Variants in POLE observed in about 807,000 individuals in gnomAD.
The protein encoded by POLE is DNA polymerase epsilon catalytic subunit A.
POLE carries 188 observed loss-of-function variants against 279.2 expected under a neutral mutation model. That is an observed-to-expected ratio of 0.67 (90% CI 0.60 to 0.76). The LOEUF (loss-of-function observed/expected upper bound fraction) is 0.76. Ranked by LOEUF, POLE falls within the 30% of genes least tolerant of loss-of-function variation. The pLI, the probability that POLE is intolerant of heterozygous loss-of-function variation, is 0.00. For missense variants in POLE, 2,703 were observed against 3,016.7 expected, an observed-to-expected ratio of 0.90 and a Z score of 2.44; for synonymous variants, 1,214 against 1,172.5, an observed-to-expected ratio of 1.04 and a Z score of -0.72.
Position 132,643,239 on chromosome 12 carries a change from G to A in POLE, c.4536C>T (p.Val1512=). ...CAGGACTCACAGTGTCCAGCACAAA[G>A]ACGGATGCCCTGCGCTGTGAGGGGA... ...IFIPSQRRAS[V]FVLDTVRSNQ... is the part of the protein sequence containing the mutation. The change falls in exon 35 of 49, where the codon GTC becomes GTT. Residue 1512 remains valine, a synonymous_variant. Transcript: ENST00000320574. The A allele has an allele frequency of 6.2e-7, 1 of 1,613,712 alleles. No individual in the cohort carries two copies. Among genetic ancestry groups the A allele is most frequent in the Non-Finnish European group, 8.5e-7 (1 of 1,180,000 alleles).
intron 21 of POLE, among the ~76,000 whole-genome samples, 192 bp downstream of exon 21, chr12:132,665,104 CACCCAG>C (rs1043521373): frequency 3.9e-5 from 6 of 152,120 alleles, no homozygotes; most frequent in African/African-American, 7.2e-5. Flanking sequence ...CACTCATGGA[CACCCAG>C]ACCCTCAAAG....
rs5744928 is a variant in POLE, at chr12:132,644,703, G to A, written c.4150-726C>T. Reference sequence around the variant, plus strand: ...CCTGGGGGGCTCTGGGAGAGCTGGAGAGGGGCACCCTAGCTTCGTGAATGG... The same window carrying A: ...CCTGGGGGGCTCTGGGAGAGCTGGAAAGGGGCACCCTAGCTTCGTGAATGG... On this transcript the variant is annotated intron_variant, in intron 32 of 48. Transcript: ENST00000320574. 2.0e-5 allele frequency among the ~76,000 whole-genome samples: 3 copies of A among 151,630 alleles called. No individual in the cohort carries two copies. The East Asian group carries it at 5.8e-4, about 29-fold the overall frequency.
At chr12:132,669,025 A>AG in intron 16 of POLE, 86 bp from the exon 17 acceptor site, 1 of 1,353,378 alleles carries the variant, frequency 7.4e-7, no homozygotes, top group Non-Finnish European at 1.0e-6. Context: ...CATTCAGGAG[A>AG]GGAAAAAGCT....
chr12:132,641,665 AG>A lies in POLE; in HGVS notation c.5359del (p.Leu1787CysfsTer9), dbSNP rs2042144519. On this transcript the variant is annotated frameshift_variant, in exon 39 of 49. Transcript: ENST00000320574. LOFTEE classifies it high-confidence loss of function. ...SAPASYDETA[L>X]CSNTFRILKS... ...GTGGCACCTGAAGGTGTTAGAGCAC[AG>A]GGCTGTCTCATCGTAGCTGGCCGGG... The A allele has an allele frequency of 1.9e-6, 3 of 1,614,056 alleles. No individual in the cohort carries two copies. The South Asian group carries it at 3.3e-5, about 18-fold the overall frequency.
In POLE at chr12:132,626,065, G is replaced by A; in HGVS notation, c.6531+52C>T. 17 of 1,515,666 alleles carry A rather than the reference G, an allele frequency of 1.1e-5. No homozygotes were observed. In the South Asian group the frequency reaches 2.0e-4, roughly 18 times the overall value. 93.9% of individuals were successfully genotyped at this position (1,515,666 alleles called of 1,614,324 possible). ...GCAGAAGCCCTCAAGACACCGCAGT[G>A]CCCTCGGATGTTCTGCTCCACAGTG... On this transcript the variant is annotated intron_variant, in intron 46 of 48. Coordinates refer to ENST00000320574, the MANE Select transcript of POLE (RefSeq NM_006231.4).
Position 132,673,199 on chromosome 12 carries a change from C to T in POLE, c.1438G>A (p.Ala480Thr), listed in dbSNP as rs1418646286. 4 of 1,613,390 alleles carry T rather than the reference C, an allele frequency of 2.5e-6. No homozygotes were observed. In the African/African-American group the frequency reaches 4.0e-5, roughly 16 times the overall value. ...TCCATGGGAATAATGGTGCACAGAGCAAAGATGAATGGGTGGACGTACTTC... is the reference window on the plus strand; with the variant it reads ...TCCATGGGAATAATGGTGCACAGAGTAAAGATGAATGGGTGGACGTACTTC... ...YMKYVHPFIFALCTIIPMEPD... is the reference protein window; with the variant it reads ...YMKYVHPFIFTLCTIIPMEPD... Residue 480 changes from alanine (A) to threonine (T), a missense_variant, in exon 14 of 49, where the codon GCT (alanine) becomes ACT (threonine). This residue lies in a region of POLE where 1,011 missense variants were observed against 1,111.7 expected (regional missense o/e 0.91). Coordinates refer to ENST00000320574, the MANE Select transcript of POLE (RefSeq NM_006231.4).
At position 132,649,855 on chromosome 12, in the gene POLE, C is replaced by A. The variant is rs1060500839; in HGVS notation, c.3617G>T (p.Arg1206Met). The A allele has an allele frequency of 1.9e-6, 3 of 1,614,106 alleles. No homozygotes were observed. The highest frequency in any genetic ancestry group is 2.5e-6 in the Non-Finnish European group (3 of 1,180,034). ...GTCCTCCATGTCAGGAGCACTTGGC[C>A]TCGGACTGTCTTCTGAGGCCTCGGC... is the stretch of plus-strand genomic sequence containing the variant. ...TMAEASEDSP[R>M]PSAPDMEDFG... The change falls in exon 30 of 49, where the codon AGG becomes ATG. Residue 1206 changes from arginine to methionine, a missense_variant. Arg to Met is a moderately conservative substitution (Grantham distance 91, BLOSUM62 -1). Around this residue, in one of 5 missense-constraint regions of POLE, gnomAD observed 1,551 missense variants for 1,686.1 expected, o/e 0.92. Coordinates refer to ENST00000320574, the MANE Select transcript of POLE (RefSeq NM_006231.4).
chr12:132,662,757 C>T (rs1054611962), intron 23 of POLE, among the ~76,000 whole-genome samples: 2 of 152,118 alleles, frequency 1.3e-5, no homozygotes, highest in African/African-American at 4.8e-5. Context: ...CAGAAGAGGG[C>T]GTGTCCCAAG....
At position 132,675,433 on chromosome 12, in the gene POLE, G is replaced by C. The variant is rs1208085896; in HGVS notation, c.1191C>G (p.Tyr397Ter). 1 of 1,614,152 alleles carries C rather than the reference G, an allele frequency of 6.2e-7. No individual in the cohort carries two copies. The highest frequency in any genetic ancestry group is 2.2e-5 in the East Asian group (1 of 44,876). The change falls in exon 12 of 49, where the codon TAC becomes TAG. Residue 397 changes from tyrosine to a stop codon, truncating the protein, a stop_gained. Transcript: ENST00000320574. LOFTEE classifies it high-confidence loss of function. This position sits in a 1 kb window ranked among gnomAD's most constrained non-coding sequence, Gnocchi z 4.3. ...IGFQKDSQGE[Y>*]KAPQCIHMDC... ...CCATGTGGATGCACTGGGGCGCCTT[G>C]TACTCCCCCTGGCTGTCCTTCTGGA... is the stretch of plus-strand genomic sequence containing the variant.
At chr12:132,657,503 C>T in intron 27 of POLE, 74 bp from the exon 28 acceptor site, 2 of 1,237,966 alleles carry the variant, frequency 1.6e-6, no homozygotes, top group South Asian at 1.2e-5. Flanking sequence ...TCATGCTGAG[C>T]ACAGGGCTAA....
Position 132,675,623 on chromosome 12 carries a change from AGAGTGAACCCAG to A in POLE, c.1106+100_1107-107del. ...GGAGGAACCCAGACACGGGAGGTGC[AGAGTGAACCCAG>A]GAGCCACCTCCTAAGTCGACATGGG... On this transcript the variant is annotated intron_variant, in intron 11 of 48. Transcript: ENST00000320574. The surrounding 1 kb of genome is among the most constrained non-coding windows in gnomAD (Gnocchi z 4.3). The A allele has an allele frequency of 1.3e-6, 2 of 1,585,870 alleles. No individual in the cohort carries two copies. The highest frequency in any genetic ancestry group is 1.7e-6 in the Non-Finnish European group (2 of 1,159,276).
At position 132,641,682 on chromosome 12, in the gene POLE, G is replaced by A; in HGVS notation, c.5343C>T (p.Ser1781=). The A allele has an allele frequency of 6.2e-7, 1 of 1,613,980 alleles. No individual in the cohort carries two copies. The highest frequency in any genetic ancestry group is 8.5e-7 in the Non-Finnish European group (1 of 1,180,030). ...TGGQAASAPA[S]YDETALCSNT... ...TAGAGCACAGGGCTGTCTCATCGTA[G>A]CTGGCCGGGGCACTGGCAGCCTGAC... The change falls in exon 39 of 49, where the codon AGC becomes AGT. Residue 1781 remains serine (S), a synonymous_variant. Transcript: ENST00000320574.
chr12:132,665,249 C>A (rs1013926580), intron 21 of POLE, 53 bp downstream of exon 21: 21 of 1,576,952 alleles, frequency 1.3e-5, no homozygotes, highest in Non-Finnish European at 1.7e-5. Context: ...CTGCCCTAAA[C>A]GTGGACTCAT....
chr12:132,643,761 C>T (rs2138556658), intron 33 of POLE, 76 bp downstream of exon 33: 4 of 1,539,854 alleles, frequency 2.6e-6, no homozygotes, highest in Admixed American at 1.8e-5. Context: ...CAGCCCACAC[C>T]CTGGGCGGGT....
intron 40 of POLE, chr12:132,638,477 G>C (rs1019481992): frequency 5.6e-6 from 1 of 178,272 alleles, no homozygotes; most frequent in Admixed American, 5.7e-5. Context: ...GAGAAAATTC[G>C]ACTTCATTCA....
In POLE at chr12:132,642,322, G is replaced by T; in HGVS notation, c.5028C>A (p.His1676Gln). Reference sequence around the variant, plus strand: ...AGAGCAGGTGGTTGTGGCGCTGGAGGTGGCGGGCAAAGAAGAGGTCGGAGC... The same window carrying T: ...AGAGCAGGTGGTTGTGGCGCTGGAGTTGGCGGGCAAAGAAGAGGTCGGAGC... ...TFGSDLFFAR[H>Q]LQRHNHLLWL... Residue 1676 changes from histidine to glutamine, a missense_variant, in exon 38 of 49, where the codon CAC (histidine) becomes CAA (glutamine). Coordinates refer to ENST00000320574, the MANE Select transcript of POLE (RefSeq NM_006231.4). 6.3e-7 allele frequency: 1 copy of T among 1,598,802 alleles called. No homozygotes were observed. The highest frequency in any genetic ancestry group is 8.5e-7 in the Non-Finnish European group (1 of 1,172,404).
chr12:132,639,343 CGCT>C lies in POLE; in HGVS notation c.5379-48_5379-46del. The stretch of plus-strand genomic sequence containing the variant: ...ACACCCTCGTACCCTCAGCCTCCCA[CGCT>C]GCTGCCACGCGGGACGCTCCAACTG... On this transcript the variant is annotated intron_variant, in intron 39 of 48. Coordinates refer to ENST00000320574, the MANE Select transcript of POLE (RefSeq NM_006231.4). The surrounding 1 kb of genome is among the most constrained non-coding windows in gnomAD (Gnocchi z 4.7). The C allele has an allele frequency of 6.3e-7, 1 of 1,590,000 alleles. No homozygotes were observed. Among genetic ancestry groups the C allele is most frequent in the Non-Finnish European group, 8.6e-7 (1 of 1,161,564 alleles).
In POLE at chr12:132,675,769, T is replaced by C. The variant is rs1388057408; in HGVS notation, c.1072A>G (p.Ile358Val). ...AAGTCCCCGTTGTAGGTGACCATGA[T>C]GGTGGGTTTGGTCTCCTGGACGTGT... ...FEHVQETKPT[I>V]MVTYNGDFFD... Residue 358 changes from isoleucine to valine, a missense_variant, in exon 11 of 49, where the codon ATC becomes GTC. Around this residue, in one of 5 missense-constraint regions of POLE, gnomAD observed 1,011 missense variants for 1,111.7 expected, o/e 0.91. Transcript: ENST00000320574. The surrounding 1 kb of genome is among the most constrained non-coding windows in gnomAD (Gnocchi z 4.3). The C allele has an allele frequency of 6.2e-7, 1 of 1,614,190 alleles. No individual in the cohort carries two copies. The highest frequency in any genetic ancestry group is 8.5e-7 in the Non-Finnish European group (1 of 1,180,012).
intron 41 of POLE, 37 bp downstream of exon 41, chr12:132,637,977 G>C: frequency 6.2e-7 from 1 of 1,608,494 alleles, no homozygotes; most frequent in African/African-American, 1.3e-5. Flanking sequence ...CCCTCTCAAA[G>C]CCACAGTGCT....
Sources: gnomAD v4.1 joint callset for allele counts (sites outside exome capture counted in the v4.1 genomes callset) on GRCh38, gnomAD v4.1.1 for gene constraint, gnomAD v4.1.1 regional missense constraint, Gnocchi (gnomAD v3.1) non-coding constraint, MANE v1.5 for transcripts, NCBI Gene and HGNC (gene_info 2026-07-23, HGNC 2026-07-21) for gene names.